ADGB: variants seen among roughly 807,000 people sequenced by gnomAD.
ADGB encodes calpain-7-like protein.
A neutral mutation model predicts 210.5 loss-of-function variants in ADGB; 172 were observed. The ratio of observed to expected loss-of-function variants is 0.82; its 90% CI spans 0.72 to 0.93. ADGB has a LOEUF of 0.93. Among genes scored for constraint, ADGB ranks in the 40% least tolerant of loss-of-function variants. The probability of loss-of-function intolerance (pLI) is 0.00; values close to 1 mark genes in which losing one functional copy is unlikely to be tolerated. For missense variants in ADGB, 2,025 were observed against 1,964.8 expected (o/e 1.03, Z -0.58); for synonymous variants, 658 against 662.7 (o/e 0.99, Z 0.11).
At chr6:146,690,251 C>T (rs557395313) in intron 10 of ADGB, among the ~76,000 whole-genome samples, 98 of 152,158 alleles carry the variant, frequency 6.4e-4, no homozygotes, top group Non-Finnish European at 1.0e-3. Flanking sequence ...ATTTAAGTGT[C>T]TGTTTTGTAA....
intron 13 of ADGB, among the ~76,000 whole-genome samples, chr6:146,714,084 C>T (rs1776696898): frequency 6.6e-6 from 1 of 152,068 alleles, no homozygotes; most frequent in Middle Eastern, 3.2e-3. Context: ...TTCTATGAAT[C>T]TTGCCACCCA....
chr6:146,672,805 A>G (rs1354348440), intron 8 of ADGB, among the ~76,000 whole-genome samples: 2 of 148,868 alleles, frequency 1.3e-5, no homozygotes, highest in Non-Finnish European at 3.0e-5. Context: ...ATCTCAGCTC[A>G]CTGCAACCTT....
chr6:146,707,364 G>A (rs1394925324), intron 13 of ADGB, among the ~76,000 whole-genome samples: 1 of 152,102 alleles, frequency 6.6e-6, no homozygotes, highest in Non-Finnish European at 1.5e-5. Context: ...GATCTAAAGT[G>A]TAGTTTAAGT....
chr6:146,658,424 A>C (rs534039399), intron 5 of ADGB, among the ~76,000 whole-genome samples: 1 of 152,124 alleles, frequency 6.6e-6, no homozygotes, highest in Non-Finnish European at 1.5e-5. Flanking sequence ...GGAGTATAGA[A>C]AGAAGGTACG....
intron 29 of ADGB, among the ~76,000 whole-genome samples, chr6:146,776,745 T>C (rs1236415247): frequency 2.0e-5 from 3 of 152,152 alleles, no homozygotes; most frequent in Non-Finnish European, 4.4e-5. Flanking sequence ...CTGACATTTG[T>C]TAAGCATTTA....
At chr6:146,712,532 T>C (rs1248145302) in intron 13 of ADGB, among the ~76,000 whole-genome samples, 1 of 152,098 alleles carries the variant, frequency 6.6e-6, no homozygotes, top group Admixed American at 6.5e-5. Context: ...TTACATGAAT[T>C]GTGCTGCATA....
intron 1 of ADGB, among the ~76,000 whole-genome samples, chr6:146,606,699 T>A (rs1780632816): frequency 6.6e-6 from 1 of 152,172 alleles, no homozygotes; most frequent in Admixed American, 6.5e-5. Context: ...TTGTCGAAGA[T>A]CAGATGGTTG....
At position 146,790,675 on chromosome 6, in the gene ADGB, T is replaced by A. The variant is rs560233877; in HGVS notation, c.4537+2065T>A. 2.3e-4 allele frequency among the ~76,000 whole-genome samples: 35 copies of A among 152,358 alleles called. No individual in the cohort carries two copies. The South Asian group carries it at 4.3e-3, about 19-fold the overall frequency. On this transcript the variant is annotated intron_variant, in intron 33 of 35. Transcript: ENST00000397944. ...TACAAGTACAGACACCTCTTTTACG[T>A]ACTTATTTTAATTCCTTTGGATATA...
chr6:146,630,983 TAGG>T (rs1341047554), intron 1 of ADGB, among the ~76,000 whole-genome samples: 1 of 152,106 alleles, frequency 6.6e-6, no homozygotes, highest in African/African-American at 2.4e-5. Context: ...AGGAAAAGGA[TAGG>T]AGGAGAAGAA....
chr6:146,731,168 G>T (rs1766558991), intron 20 of ADGB, among the ~76,000 whole-genome samples: 1 of 152,048 alleles, frequency 6.6e-6, no homozygotes, highest in African/African-American at 2.4e-5. Flanking sequence ...CTGAGGCGCA[G>T]ATCAACCCCA....
At position 146,657,328 on chromosome 6, in the gene ADGB, A is replaced by T. The variant is rs942421762; in HGVS notation, c.612+348A>T. On this transcript the variant is annotated intron_variant, in intron 5 of 35. Coordinates refer to ENST00000397944, the MANE Select transcript of ADGB (RefSeq NM_024694.4). ...CAACAAGAGCAAAACTCCAAAAAAA[A>T]AAAAAGAAAGAAAGAAAGAGAGAGA... 7.9e-5 allele frequency among the ~76,000 whole-genome samples: 12 copies of T among 152,100 alleles called. No individual in the cohort carries two copies. In the East Asian group the frequency reaches 2.1e-3, roughly 27 times the overall value.
At chr6:146,609,224 A>C (rs1323777874) in intron 1 of ADGB, among the ~76,000 whole-genome samples, 1 of 152,140 alleles carries the variant, frequency 6.6e-6, no homozygotes, top group Non-Finnish European at 1.5e-5. Context: ...TGCTTGATAG[A>C]TCTTTCTCCA....
At chr6:146,768,645 A>G (rs577835049) in intron 28 of ADGB, among the ~76,000 whole-genome samples, 1 of 152,312 alleles carries the variant, frequency 6.6e-6, no homozygotes, top group South Asian at 2.1e-4. Flanking sequence ...ATAATGTAGG[A>G]GACTATTTTT....
intron 1 of ADGB, among the ~76,000 whole-genome samples, chr6:146,622,942 C>G (rs1583563095): frequency 1.3e-5 from 2 of 151,996 alleles, no homozygotes; most frequent in Admixed American, 1.3e-4. Context: ...TGTTTTAGCA[C>G]CATTTGTTGA....
rs980969895 is a variant in ADGB, at chr6:146,635,459, A to G, written c.159A>G (p.Glu53=). 1.9e-6 allele frequency: 3 copies of G among 1,548,702 alleles called. No individual in the cohort carries two copies. Among genetic ancestry groups the G allele is most frequent in the Non-Finnish European group, 2.6e-6 (3 of 1,145,334 alleles). ...TCCCACTCTGGCCAGAGTGGAGTGA[A>G]GCTGACATAAATTCAGAAAAGTGGG... The part of the protein sequence containing the change: ...GKFPLWPEWS[E]ADINSEKWDA... Residue 53 remains glutamate (E), a synonymous_variant, in exon 2 of 36, where the codon GAA becomes GAG. Coordinates refer to ENST00000397944, the MANE Select transcript of ADGB (RefSeq NM_024694.4).
chr6:146,723,108 G>A (rs1182298900), intron 17 of ADGB, among the ~76,000 whole-genome samples: 2 of 152,060 alleles, frequency 1.3e-5, no homozygotes, highest in African/African-American at 2.4e-5. Flanking sequence ...ACATAGAGCA[G>A]GTGGCTAGAA....
At chr6:146,776,463 G>A (rs1777723935) in intron 29 of ADGB, among the ~76,000 whole-genome samples, 1 of 151,970 alleles carries the variant, frequency 6.6e-6, no homozygotes, top group African/African-American at 2.4e-5. Context: ...TAAAATTTAT[G>A]TGAGAAAAGG....
intron 13 of ADGB, 80 bp from the exon 14 acceptor site, chr6:146,715,302 T>G: frequency 8.7e-7 from 1 of 1,152,178 alleles, no homozygotes; most frequent in Non-Finnish European, 1.2e-6. Context: ...AAAAACTATA[T>G]TAGCTCTTTT....
rs1266462421 is a variant in ADGB at position 146,813,159 on chromosome 6, C to CAG, written c.4819-1872_4819-1871dup. ...TTTCTGTGGACCTTGCTTTTCAAGA[C>CAG]AGTTCTATCTTTAGATATTTTTTCT... is the stretch of plus-strand genomic sequence containing the variant. On this transcript the variant is annotated intron_variant, in intron 35 of 35. Coordinates refer to ENST00000397944, the MANE Select transcript of ADGB (RefSeq NM_024694.4). Among the ~76,000 whole-genome samples the CAG allele has an allele frequency of 2.0e-5, 3 of 152,278 alleles. No individual in the cohort carries two copies. In the South Asian group the frequency reaches 6.2e-4, roughly 32 times the overall value.
Sources: gnomAD v4.1 joint callset for allele counts (sites outside exome capture counted in the v4.1 genomes callset) on GRCh38, gnomAD v4.1.1 for gene constraint, MANE v1.5 for transcripts, NCBI Gene and HGNC (gene_info 2026-07-23, HGNC 2026-07-21) for gene names.